Variants in MBNL3 observed in about 807,000 individuals in gnomAD.
MBNL3 encodes muscleblind-like protein 3.
A neutral mutation model predicts 24.5 loss-of-function variants in MBNL3; 6 were observed. The ratio of observed to expected loss-of-function variants is 0.25; its 90% CI spans 0.13 to 0.48. MBNL3 has a LOEUF of 0.48. Among genes scored for constraint, MBNL3 ranks in the 20% least tolerant of loss-of-function variants. MBNL3 has a pLI of 0.99. For missense variants in MBNL3, 230 were observed against 293.5 expected (o/e 0.78, Z 1.58); for synonymous variants, 100 against 101.7 (o/e 0.98, Z 0.10).
intron 3 of MBNL3, among the ~76,000 whole-genome samples, chrX:132,403,292 C>T (rs1023373639): frequency 9.0e-6 from 1 of 111,603 alleles, no homozygotes; most frequent in East Asian, 2.8e-4. Flanking sequence ...TCAACCATCT[C>T]GGAGTTAGAT....
chrX:132,482,374 T>C (rs200985729), intron 1 of MBNL3, among the ~76,000 whole-genome samples: 1 of 112,088 alleles, frequency 8.9e-6, no homozygotes, highest in East Asian at 2.8e-4. Flanking sequence ...AAAATATACA[T>C]ATAAGTTTAT....
At chrX:132,408,086 T>G (rs930678680) in intron 2 of MBNL3, among the ~76,000 whole-genome samples, 1 of 90,054 alleles carries the variant, frequency 1.1e-5, no homozygotes, top group Non-Finnish European at 2.1e-5. Flanking sequence ...TCTTCTGAAT[T>G]TCAGTCTTTT....
chrX:132,421,252 A>C (rs1181935125), intron 2 of MBNL3, among the ~76,000 whole-genome samples: 1 of 112,277 alleles, frequency 8.9e-6, no homozygotes, highest in Admixed American at 9.4e-5. Flanking sequence ...CAACAGAACT[A>C]AAATATTTCC....
chrX:132,406,507 A>G (rs927735322), intron 2 of MBNL3, 115 bp from the exon 3 acceptor site: 4 of 662,907 alleles, frequency 6.0e-6, no homozygotes, highest in Non-Finnish European at 4.3e-6. Context: ...TTGAATCCAT[A>G]TAAGGCGAGA....
At chrX:132,390,262 CAACA>C (rs1936920509) in intron 5 of MBNL3, among the ~76,000 whole-genome samples, 2 of 33,588 alleles carry the variant, frequency 6.0e-5, no homozygotes, top group Non-Finnish European at 9.8e-5. Context: ...ACAACAACAA[CAACA>C]AAAAAAAAAA....
Position 132,373,292 on chromosome X carries a change from C to A in MBNL3, c.*6374G>T, listed in dbSNP as rs894892684. 11 of 111,557 alleles carry A rather than the reference C, an allele frequency of 9.9e-5. No individual in the cohort carries two copies. The highest frequency in any genetic ancestry group is 3.6e-4 in the African/African-American group (11 of 30,802). The allele number at this position is 111,557 out of a possible 1,213,427, so 9.2% of individuals were successfully genotyped here. A position where few individuals can be genotyped will look rare whatever the true frequency, so the allele number is the denominator to read the frequency against. ...AATACATTCTTGAATCTGGCATATT[C>A]ACAAAGAAATGTCCATATCAGTACA... On this transcript the variant is annotated 3_prime_UTR_variant, in exon 9 of 9. Coordinates refer to ENST00000370853, the MANE Select transcript of MBNL3 (RefSeq NM_001386889.1).
At chrX:132,463,003 T>C (rs1253094879) in intron 1 of MBNL3, among the ~76,000 whole-genome samples, 1 of 111,834 alleles carries the variant, frequency 8.9e-6, no homozygotes, top group African/African-American at 3.3e-5. Flanking sequence ...CAAAAAAATT[T>C]TGAATAACGT....
In MBNL3 at chrX:132,417,113, C is replaced by T. The variant is rs555531264; in HGVS notation, c.178-10721G>A. ...CTGTAAAATATTTATTTTTCTTTCT[C>T]TCTCTCTCTCTTTCATATATGTGTG... On this transcript the variant is annotated intron_variant, in intron 2 of 8. Coordinates refer to ENST00000370853, the MANE Select transcript of MBNL3 (RefSeq NM_001386889.1). 3.6e-5 allele frequency among the ~76,000 whole-genome samples: 4 copies of T among 111,450 alleles called. No individual in the cohort carries two copies. The South Asian group carries it at 1.5e-3, about 42-fold the overall frequency.
chrX:132,419,012 G>A (rs964561365), intron 2 of MBNL3, among the ~76,000 whole-genome samples: 12 of 112,597 alleles, frequency 1.1e-4, no homozygotes, highest in African/African-American at 2.9e-4. Flanking sequence ...GGGCTCAAGC[G>A]ATCCACCTGC....
chrX:132,486,741 G>A (rs147884454), intron 1 of MBNL3, among the ~76,000 whole-genome samples: 1,402 of 112,287 alleles, frequency 0.012, 10 homozygotes, highest in Non-Finnish European at 0.02. Flanking sequence ...TATCTAGGTA[G>A]AGGGTGGTGC....
chrX:132,386,431 A>G (rs1936050618), intron 6 of MBNL3, among the ~76,000 whole-genome samples: 1 of 112,465 alleles, frequency 8.9e-6, no homozygotes, highest in African/African-American at 3.2e-5. Flanking sequence ...AATGCTAAAA[A>G]GAAAAATGTT....
rs1288446357 is a variant in MBNL3 at position 132,486,712 on chromosome X, C to T, written c.-704+2139G>A. Among the ~76,000 whole-genome samples the T allele has an allele frequency of 2.7e-5, 3 of 112,121 alleles. No homozygotes were observed. The Admixed American group carries it at 2.8e-4, about 11-fold the overall frequency. ...TTTTTAATGTAACATTTATTAAGCA[C>T]CTAGTTTGTGCAAAGCATTATCTAG... On this transcript the variant is annotated intron_variant, in intron 1 of 8. Coordinates refer to ENST00000370853, the MANE Select transcript of MBNL3 (RefSeq NM_001386889.1).
At chrX:132,467,711 C>A (rs1030408016) in intron 1 of MBNL3, among the ~76,000 whole-genome samples, 2 of 111,928 alleles carry the variant, frequency 1.8e-5, no homozygotes, top group African/African-American at 6.5e-5. Context: ...AGTATAGCAT[C>A]TTGTCCCAAC....
rs535886427 is a variant in MBNL3, at chrX:132,404,185, C to T, written c.342+2043G>A. ...TCATCTCATTTCACAATGTATACGT[C>T]TAACAAATCATCACACGCTGTACAC... On this transcript the variant is annotated intron_variant, in intron 3 of 8. Coordinates refer to ENST00000370853, the MANE Select transcript of MBNL3 (RefSeq NM_001386889.1). 3.6e-5 allele frequency among the ~76,000 whole-genome samples: 4 copies of T among 111,929 alleles called. No individual in the cohort carries two copies. The South Asian group carries it at 1.1e-3, about 31-fold the overall frequency.
At chrX:132,433,242 C>A (rs1165100992) in intron 2 of MBNL3, among the ~76,000 whole-genome samples, 1 of 111,967 alleles carries the variant, frequency 8.9e-6, no homozygotes, top group Non-Finnish European at 1.9e-5. Context: ...AGGACCCTAA[C>A]AATGAATCAG....
At chrX:132,463,188 G>A (rs1331096810) in intron 1 of MBNL3, among the ~76,000 whole-genome samples, 2 of 112,404 alleles carry the variant, frequency 1.8e-5, no homozygotes, top group Non-Finnish European at 3.8e-5. Context: ...GAGGCGGGGC[G>A]CCGTGGCTCA....
chrX:132,444,728 A>G (rs919495187), intron 1 of MBNL3, among the ~76,000 whole-genome samples: 1 of 111,850 alleles, frequency 8.9e-6, no homozygotes, highest in Non-Finnish European at 1.9e-5. Context: ...TATAAGGAAA[A>G]TGTAGAAACT....
intron 2 of MBNL3, among the ~76,000 whole-genome samples, chrX:132,422,127 ATGTGTG>A (rs113734916): frequency 5.0e-4 from 51 of 101,954 alleles, no homozygotes; most frequent in African/African-American, 1.2e-3. Flanking sequence ...TGAATATACT[ATGTGTG>A]TGTGTGTGTG....
In MBNL3 at chrX:132,439,652, C is replaced by A; in HGVS notation, c.-41G>T. 8.7e-7 allele frequency: 1 copy of A among 1,146,550 alleles called. No individual in the cohort carries two copies. The highest frequency in any genetic ancestry group is 1.2e-6 in the Non-Finnish European group (1 of 863,367). 94.5% of individuals were successfully genotyped at this position (1,146,550 alleles called of 1,213,427 possible). ...AAAATCCAATGTACCCTCTTTAGGA[C>A]AATATTACTGTGGACTATTAAAGGA... On this transcript the variant is annotated 5_prime_UTR_variant, in exon 2 of 9. Coordinates refer to ENST00000370853, the MANE Select transcript of MBNL3 (RefSeq NM_001386889.1).
Sources: gnomAD v4.1 joint callset for allele counts (sites outside exome capture counted in the v4.1 genomes callset) on GRCh38, gnomAD v4.1.1 for gene constraint, MANE v1.5 for transcripts, NCBI Gene and HGNC (gene_info 2026-07-23, HGNC 2026-07-21) for gene names.